PCDH15: variants seen among roughly 807,000 people sequenced by gnomAD.
The protein encoded by PCDH15 is protocadherin-15.
In PCDH15, 129 loss-of-function variants were observed where a neutral mutation model predicts 178.5. The observed-to-expected ratio is 0.72, with a 90% CI of 0.63 to 0.84. The LOEUF is 0.84. PCDH15 is among the 40% of genes least tolerant of loss of function. PCDH15 has a pLI of 0.00. For missense variants in PCDH15, 2,230 were observed against 2,099.9 expected (o/e 1.06, Z -1.21); for synonymous variants, 800 against 732.0 (o/e 1.09, Z -1.50).
At chr10:55,291,141 C>A in intron 1 of PCDH15, among the ~76,000 whole-genome samples, 1 of 152,136 alleles carries the variant, frequency 6.6e-6, no homozygotes, top group Non-Finnish European at 1.5e-5. Context: ...CATGTCCTCA[C>A]ATTTCAAAAA....
intron 2 of PCDH15, among the ~76,000 whole-genome samples, chr10:54,570,792 C>T (rs985287056): frequency 1.3e-5 from 2 of 151,028 alleles, no homozygotes; most frequent in Admixed American, 6.6e-5. Context: ...AGCTGGGATG[C>T]AGGCATGTGC....
intron 26 of PCDH15, among the ~76,000 whole-genome samples, chr10:53,893,249 T>C (rs1024356661): frequency 6.6e-6 from 1 of 152,194 alleles, no homozygotes; most frequent in South Asian, 2.1e-4. Flanking sequence ...GATACATGGA[T>C]AACATTCATA....
intron 3 of PCDH15, among the ~76,000 whole-genome samples, chr10:54,459,393 G>C (rs1057143363): frequency 2.0e-5 from 3 of 151,672 alleles, no homozygotes; most frequent in African/African-American, 7.3e-5. Flanking sequence ...TTATGTCATA[G>C]GAACTTGACT....
At chr10:54,524,093 C>G (rs1289934850) in intron 3 of PCDH15, among the ~76,000 whole-genome samples, 1 of 152,172 alleles carries the variant, frequency 6.6e-6, no homozygotes, top group East Asian at 1.9e-4. Context: ...ACAAGCAACT[C>G]ACTCCCCAAA....
chr10:54,940,847 C>G lies in PCDH15; in HGVS notation c.-79-43347G>C, dbSNP rs1486566141. 2.6e-5 allele frequency among the ~76,000 whole-genome samples: 4 copies of G among 152,122 alleles called. No individual in the cohort carries two copies. The South Asian group carries it at 8.3e-4, about 32-fold the overall frequency. ...ATAGTTTATTACTAATATGGTTCCT[C>G]TAGCATTCTTGTGGTTGCTATCATT... On this transcript the variant is annotated intron_variant, in intron 2 of 5. Transcript: ENST00000458638.
intron 2 of PCDH15, among the ~76,000 whole-genome samples, chr10:55,411,535 T>C (rs902176156): frequency 7.2e-5 from 11 of 152,108 alleles, no homozygotes; most frequent in Admixed American, 7.2e-4. Context: ...CTATTTGCCT[T>C]ATCAAGTATT....
chr10:54,520,911 G>T (rs1237468376), intron 3 of PCDH15, among the ~76,000 whole-genome samples: 2 of 151,886 alleles, frequency 1.3e-5, no homozygotes, highest in African/African-American at 4.8e-5. Flanking sequence ...CATGTCCTTT[G>T]TAGGGACACG....
At chr10:54,439,611 C>T (rs2075669934) in intron 3 of PCDH15, among the ~76,000 whole-genome samples, 1 of 151,914 alleles carries the variant, frequency 6.6e-6, no homozygotes, top group Admixed American at 6.6e-5. Context: ...AATGGTAATG[C>T]TGGGCTTTGA....
chr10:55,124,298 A>G (rs1427242552), intron 2 of PCDH15, among the ~76,000 whole-genome samples: 1 of 152,152 alleles, frequency 6.6e-6, no homozygotes, highest in Non-Finnish European at 1.5e-5. Flanking sequence ...TAGATATTCT[A>G]GAGCTCTCTG....
intron 15 of PCDH15, among the ~76,000 whole-genome samples, chr10:54,098,141 C>T (rs1185264026): frequency 6.6e-6 from 1 of 151,592 alleles, no homozygotes; most frequent in Non-Finnish European, 1.5e-5. Flanking sequence ...ATTGTATATA[C>T]TCTGTGTGTC....
intron 1 of PCDH15, among the ~76,000 whole-genome samples, chr10:54,700,567 A>T (rs1365231784): frequency 6.6e-6 from 1 of 152,142 alleles, no homozygotes; most frequent in African/African-American, 2.4e-5. Context: ...TAATTTCAAA[A>T]TACAATTGCA....
At chr10:54,068,958 A>T (rs544497591) in intron 17 of PCDH15, among the ~76,000 whole-genome samples, 8 of 152,332 alleles carry the variant, frequency 5.3e-5, no homozygotes, top group Non-Finnish European at 7.3e-5. Context: ...ACTTGACTAG[A>T]TGGAATCCAG....
chr10:53,937,759 G>A (rs1461751285), intron 25 of PCDH15, among the ~76,000 whole-genome samples: 1 of 152,062 alleles, frequency 6.6e-6, no homozygotes, highest in African/African-American at 2.4e-5. Context: ...TGCATCTTCT[G>A]CCTGTTGCTC....
intron 2 of PCDH15, among the ~76,000 whole-genome samples, chr10:55,018,315 T>C (rs922153889): frequency 4.6e-5 from 7 of 152,048 alleles, no homozygotes; most frequent in Admixed American, 3.3e-4. Context: ...CCAAAATTCA[T>C]AGATGCTCGA....
At chr10:53,838,710 C>G (rs2077455557) in intron 29 of PCDH15, among the ~76,000 whole-genome samples, 1 of 152,102 alleles carries the variant, frequency 6.6e-6, no homozygotes, top group Non-Finnish European at 1.5e-5. Context: ...ATATGAATTA[C>G]TTTGGAAGTT....
At chr10:53,869,121 A>C (rs1471410908) in intron 26 of PCDH15, among the ~76,000 whole-genome samples, 1 of 152,192 alleles carries the variant, frequency 6.6e-6, no homozygotes, top group Non-Finnish European at 1.5e-5. Context: ...AATTATCTTT[A>C]GAAGAGGACA....
intron 20 of PCDH15, among the ~76,000 whole-genome samples, chr10:54,003,170 C>T (rs2092245291): frequency 6.6e-6 from 1 of 151,992 alleles, no homozygotes; most frequent in Non-Finnish European, 1.5e-5. Context: ...TTCAACTAAA[C>T]AAAACAACCT....
chr10:54,157,557 T>G (rs530317106), intron 13 of PCDH15, among the ~76,000 whole-genome samples: 16 of 152,312 alleles, frequency 1.1e-4, no homozygotes, highest in African/African-American at 3.8e-4. Context: ...GGGCCTGTGA[T>G]GAGAGAGGCT....
chr10:55,453,476 T>G (rs1839479277), intron 2 of PCDH15, among the ~76,000 whole-genome samples: 3 of 152,170 alleles, frequency 2.0e-5, no homozygotes, highest in Admixed American at 6.5e-5. Context: ...CTTGTTTAAA[T>G]TACCATGCCT....
Sources: allele counts gnomAD v4.1 joint callset (sites outside exome capture counted in the v4.1 genomes callset), GRCh38; gene constraint gnomAD v4.1.1; transcripts MANE v1.5; gene names NCBI Gene and HGNC (gene_info 2026-07-23, HGNC 2026-07-21).